Variants in SEC14L5 observed in about 807,000 individuals in gnomAD.
SEC14L5 encodes the protein SEC14-like protein 5.
Under a neutral mutation model 84.6 loss-of-function variants are expected in SEC14L5, and 96 were observed. The observed-to-expected ratio is 1.13, with a 90% CI of 0.96 to 1.34. The LOEUF (loss-of-function observed/expected upper bound fraction) is 1.34, where lower values mean the gene tolerates loss of function less well. Ranked by LOEUF, SEC14L5 falls within the 40% of genes most tolerant of loss-of-function variation. The probability of loss-of-function intolerance (pLI) is 0.00; values close to 1 mark genes in which losing one functional copy is unlikely to be tolerated. For synonymous variants in SEC14L5, 546 were observed against 383.4 expected, an observed-to-expected ratio of 1.42 and a Z score of -4.95; for missense variants, 1,224 against 942.5, an observed-to-expected ratio of 1.30 and a Z score of -3.91.
At chr16:4,966,365 C>T (rs959058098) in intron 2 of SEC14L5, among the ~76,000 whole-genome samples, 2 of 150,270 alleles carry the variant, frequency 1.3e-5, no homozygotes, top group African/African-American at 4.9e-5. Context: ...CATTCACCTC[C>T]CGGGTTCAAG....
chr16:5,008,764 G>T, intron 14 of SEC14L5, 116 bp downstream of exon 14: 1 of 849,504 alleles, frequency 1.2e-6, no homozygotes, highest in Non-Finnish European at 1.9e-6. Context: ...CCAGCCTCAG[G>T]GACCCTGCAG....
At chr16:4,985,290 A>C (rs1053959373) in intron 2 of SEC14L5, among the ~76,000 whole-genome samples, 1 of 152,126 alleles carries the variant, frequency 6.6e-6, no homozygotes, top group Admixed American at 6.6e-5. Flanking sequence ...CAATGGCACA[A>C]TGTCGCCTCA....
rs1215104337 is a variant in SEC14L5, at chr16:4,996,964, T to C, written c.890T>C (p.Val297Ala). ...QSLSWRKQHQ[V>A]DLLLQTWQPP... ...TTGAGCTGGCGCAAGCAGCACCAGG[T>C]GGATCTCCTCCTTCAGACCTGGCAA... The change falls in exon 8 of 16, where the codon GTG becomes GCG. Residue 297 changes from valine (V) to alanine (A), a missense_variant. Physicochemically the swap from Val to Ala is moderately conservative, Grantham distance 64. Transcript: ENST00000251170. 2 of 1,613,634 alleles carry C rather than the reference T, an allele frequency of 1.2e-6. No individual in the cohort carries two copies. The highest frequency in any genetic ancestry group is 1.1e-5 in the South Asian group (1 of 91,024).
chr16:5,004,388 C>T (rs900489788), intron 11 of SEC14L5, among the ~76,000 whole-genome samples: 4 of 152,122 alleles, frequency 2.6e-5, no homozygotes, highest in Admixed American at 2.0e-4. Context: ...TTTGGGAGTG[C>T]GAGCACATCA....
chr16:4,987,201 C>CTTTTT lies in SEC14L5; in HGVS notation c.64-345_64-341dup, dbSNP rs34934353. Among the ~76,000 whole-genome samples, 199 of 143,668 alleles carry CTTTTT rather than the reference C, an allele frequency of 1.4e-3. No homozygotes were observed. The Middle Eastern group carries it at 0.015, about 11-fold the overall frequency. The allele number at this position is 143,668 out of a possible 152,430, so 94.3% of individuals were successfully genotyped here. A position where few individuals can be genotyped will look rare whatever the true frequency, so the allele number is the denominator to read the frequency against. On this transcript the variant is annotated intron_variant, in intron 2 of 15. Transcript: ENST00000251170. Reference sequence around the variant, plus strand: ...CCCTTCTATTCCTAGTTTATTGAATCTTTTTTTTTTTTTTTATCATGAAGG... The same window carrying CTTTTT: ...CCCTTCTATTCCTAGTTTATTGAATCTTTTTTTTTTTTTTTTTTTTATCATGAAGG...
chr16:5,015,172 A>G lies in SEC14L5; in HGVS notation c.*202A>G. 1.7e-6 allele frequency: 1 copy of G among 580,390 alleles called. No individual in the cohort carries two copies. The highest frequency in any genetic ancestry group is 3.1e-6 in the Non-Finnish European group (1 of 326,838). 36.0% of individuals were successfully genotyped at this position (580,390 alleles called of 1,614,324 possible). On this transcript the variant is annotated 3_prime_UTR_variant, in exon 16 of 16. Coordinates refer to ENST00000251170, the MANE Select transcript of SEC14L5 (RefSeq NM_014692.2). Reference sequence around the variant, plus strand: ...TGTCAGGGCTCTTGAAATTGCAAGGACAGAACCATCTCCTTCCGGCTTCGT... The same window carrying G: ...TGTCAGGGCTCTTGAAATTGCAAGGGCAGAACCATCTCCTTCCGGCTTCGT...
intron 11 of SEC14L5, 43 bp downstream of exon 11, chr16:5,003,616 TGGGATGGGA>T: frequency 1.5e-5 from 2 of 130,930 alleles, no homozygotes; most frequent in East Asian, 1.8e-4. Flanking sequence ...TGGGGGTGGG[TGGGATGGGA>T]GGGGTTCCGT....
At chr16:5,009,531 C>T (rs941548448) in intron 14 of SEC14L5, among the ~76,000 whole-genome samples, 1 of 151,918 alleles carries the variant, frequency 6.6e-6, no homozygotes, top group Non-Finnish European at 1.5e-5. Context: ...GCTATGTTGC[C>T]CAGGATGATC....
chr16:4,977,446 C>CAAAAAAAAAAAAAAAAAAAAAAAGAAAAA (rs1955357749), intron 2 of SEC14L5, among the ~76,000 whole-genome samples: 7 of 66,142 alleles, frequency 1.1e-4, no homozygotes, highest in African/African-American at 1.3e-4. Context: ...GACTCCGTCT[C>CAAAAAAAAAAAAAAAAAAAAAAAGAAAAA]AAAAAAAAAA....
At chr16:4,979,980 T>G (rs1404895552) in intron 2 of SEC14L5, among the ~76,000 whole-genome samples, 1 of 152,192 alleles carries the variant, frequency 6.6e-6, no homozygotes, top group African/African-American at 2.4e-5. Flanking sequence ...GCTTGTGACG[T>G]AGCCAGAGAT....
At chr16:4,979,905 C>G (rs1206406912) in intron 2 of SEC14L5, among the ~76,000 whole-genome samples, 6 of 152,228 alleles carry the variant, frequency 3.9e-5, no homozygotes. Context: ...CCGATCCTCA[C>G]TTCTCCAGGT....
At chr16:4,992,886 CTTA>C (rs1219608702) in intron 6 of SEC14L5, among the ~76,000 whole-genome samples, 1 of 152,044 alleles carries the variant, frequency 6.6e-6, no homozygotes, top group Non-Finnish European at 1.5e-5. Context: ...ACATGTGTGT[CTTA>C]TGTTGAATAC....
chr16:5,017,772 C>G lies in SEC14L5; in HGVS notation c.*2802C>G, dbSNP rs1184268523. 6.6e-6 allele frequency: 1 copy of G among 152,132 alleles called. No individual in the cohort carries two copies. The highest frequency in any genetic ancestry group is 1.5e-5 in the Non-Finnish European group (1 of 68,020). The allele number at this position is 152,132 out of a possible 1,614,324, so 9.4% of individuals were successfully genotyped here. ...CGGCTCTCCTCCCATGTGGAGGTCT[C>G]GGGGACCCACGTGGAAGCATTATCA... On this transcript the variant is annotated 3_prime_UTR_variant, in exon 16 of 16. Transcript: ENST00000251170.
In SEC14L5 at chr16:5,017,087, G is replaced by C. The variant is rs1305314180; in HGVS notation, c.*2117G>C. 3 of 151,640 alleles carry C rather than the reference G, an allele frequency of 2.0e-5. No homozygotes were observed. The highest frequency in any genetic ancestry group is 4.4e-5 in the Non-Finnish European group (3 of 67,982). The allele number at this position is 151,640 out of a possible 1,614,324, so 9.4% of individuals were successfully genotyped here. ...TCCTACAAGTATGCTGGGATAAGCTGCCCTGGCAGTCTTTATACATTTATT... is the reference window on the plus strand; with the variant it reads ...TCCTACAAGTATGCTGGGATAAGCTCCCCTGGCAGTCTTTATACATTTATT... On this transcript the variant is annotated 3_prime_UTR_variant, in exon 16 of 16. Coordinates refer to ENST00000251170, the MANE Select transcript of SEC14L5 (RefSeq NM_014692.2).
chr16:5,015,913 C>T lies in SEC14L5; in HGVS notation c.*943C>T, dbSNP rs1596650543. ...AGAGCCCTGGGTTTCTGCTAAGTTCCAGGCAGTGATGGGGTGACTGAGGCT... is the reference window on the plus strand; with the variant it reads ...AGAGCCCTGGGTTTCTGCTAAGTTCTAGGCAGTGATGGGGTGACTGAGGCT... On this transcript the variant is annotated 3_prime_UTR_variant, in exon 16 of 16. Transcript: ENST00000251170. The T allele has an allele frequency of 1.3e-5, 2 of 152,322 alleles. No homozygotes were observed. The highest frequency in any genetic ancestry group is 3.8e-4 in the East Asian group (2 of 5,200). 9.4% of individuals were successfully genotyped at this position (152,322 alleles called of 1,614,324 possible).
At chr16:4,978,969 C>G (rs1436152406) in intron 2 of SEC14L5, among the ~76,000 whole-genome samples, 1 of 152,138 alleles carries the variant, frequency 6.6e-6, no homozygotes, top group African/African-American at 2.4e-5. Flanking sequence ...GTCCTGGGCT[C>G]AAACAATCCT....
intron 15 of SEC14L5, among the ~76,000 whole-genome samples, chr16:5,011,662 C>G (rs1220409535): frequency 6.6e-6 from 1 of 152,146 alleles, no homozygotes; most frequent in Non-Finnish European, 1.5e-5. Context: ...CAAGTTGTTG[C>G]TTTCAGAGAG....
At chr16:5,007,038 G>T (rs1315757727) in intron 12 of SEC14L5, among the ~76,000 whole-genome samples, 1 of 152,164 alleles carries the variant, frequency 6.6e-6, no homozygotes, top group African/African-American at 2.4e-5. Flanking sequence ...CGGCACCGGG[G>T]TAAAGGGACA....
Position 5,014,844 on chromosome 16 carries a change from G to T in SEC14L5, c.1980-15G>T, listed in dbSNP as rs752742021. ...ACTGTGAGAGGGTAACGTGTGCCAC[G>T]CCCTTCCTCCCCAGGGGCTCCATGT... On this transcript the variant is annotated splice_polypyrimidine_tract_variant and intron_variant, in intron 15 of 15. Transcript: ENST00000251170. 6.2e-7 allele frequency: 1 copy of T among 1,605,882 alleles called. No homozygotes were observed. Among genetic ancestry groups the T allele is most frequent in the Admixed American group, 1.7e-5 (1 of 59,882 alleles).
Sources: allele counts gnomAD v4.1 joint callset (sites outside exome capture counted in the v4.1 genomes callset), GRCh38; gene constraint gnomAD v4.1.1; transcripts MANE v1.5; gene names NCBI Gene and HGNC (gene_info 2026-07-23, HGNC 2026-07-21).